Variants in DDX46 observed in about 807,000 individuals in gnomAD.
DDX46 encodes probable ATP-dependent RNA helicase DDX46.
In DDX46, 30 loss-of-function variants were observed where a neutral mutation model predicts 134.9. The ratio of observed to expected loss-of-function variants is 0.22; its 90% CI spans 0.17 to 0.30. The LOEUF (loss-of-function observed/expected upper bound fraction) is 0.30. DDX46 is among the 10% of genes least tolerant of loss of function. The probability of loss-of-function intolerance (pLI) is 1.00; values close to 1 mark genes in which losing one functional copy is unlikely to be tolerated. For synonymous variants in DDX46, 415 were observed against 404.1 expected (o/e 1.03, Z -0.32); for missense variants, 622 against 1,248.7 (o/e 0.50, Z 7.56).
At chr5:134,811,875 T>G in intron 18 of DDX46, 30 bp downstream of exon 18, 1 of 1,596,458 alleles carries the variant, frequency 6.3e-7, no homozygotes, top group Non-Finnish European at 8.5e-7. Flanking sequence ...CATTCTTAAT[T>G]GAAGCAGTTA....
intron 21 of DDX46, among the ~76,000 whole-genome samples, chr5:134,825,638 GTCT>G (rs1755570892): frequency 6.6e-6 from 1 of 152,074 alleles, no homozygotes. Context: ...TCAATCTTTA[GTCT>G]TCTTTGATTC....
In DDX46 at chr5:134,826,911, G is replaced by A. The variant is rs762793827; in HGVS notation, c.2978-36G>A. ...TATGGGTAAACACAGTGTAAGTTTA[G>A]TAATTTGAATAATATGCTTTCCACT... On this transcript the variant is annotated intron_variant, in intron 21 of 22. Transcript: ENST00000452510. The A allele has an allele frequency of 1.9e-6, 3 of 1,600,342 alleles. No homozygotes were observed. In the South Asian group the frequency reaches 3.4e-5, roughly 18 times the overall value.
At chr5:134,769,587 CTGGTGGGCAA>C (rs1561852002) in intron 3 of DDX46, among the ~76,000 whole-genome samples, 1 of 147,418 alleles carries the variant, frequency 6.8e-6, no homozygotes, top group Non-Finnish European at 1.5e-5. Context: ...GTCTCCCAGG[CTGGTGGGCAA>C]TGGTGCAATC....
rs182067741 is a variant in DDX46, at chr5:134,793,054, G to T, written c.1627-1796G>T. Among the ~76,000 whole-genome samples the T allele has an allele frequency of 7.3e-3, 1,115 of 152,090 alleles. 6 individuals are homozygous for T. The highest frequency in any genetic ancestry group is 0.012 in the South Asian group (57 of 4,826). On this transcript the variant is annotated intron_variant, in intron 13 of 22. Transcript: ENST00000452510. ...CGCCTATCGTCCCAGCTACTCAGGA[G>T]GCTGAAGTAGCAGGATTGCTTGAGC...
chr5:134,796,239 C>G, intron 15 of DDX46, 89 bp downstream of exon 15: 2 of 1,417,654 alleles, frequency 1.4e-6, no homozygotes, highest in East Asian at 4.7e-5. Context: ...ACTTTGTTCT[C>G]TATAATTCAG....
chr5:134,801,258 G>C (rs1580805691), intron 15 of DDX46, among the ~76,000 whole-genome samples: 1 of 152,230 alleles, frequency 6.6e-6, no homozygotes, highest in East Asian at 1.9e-4. Context: ...CTTGGCGACA[G>C]AGTGAGACCC....
At chr5:134,809,774 C>T (rs576603713) in intron 16 of DDX46, among the ~76,000 whole-genome samples, 5 of 151,986 alleles carry the variant, frequency 3.3e-5, no homozygotes, top group East Asian at 3.9e-4. Context: ...TTTGGGAGGC[C>T]GAGGCGGGCG....
chr5:134,781,546 C>A (rs908749476), intron 7 of DDX46, among the ~76,000 whole-genome samples: 1 of 152,066 alleles, frequency 6.6e-6, no homozygotes, highest in Middle Eastern at 3.4e-3. Flanking sequence ...TCCATTAACA[C>A]GTAAAGATTT....
intron 20 of DDX46, among the ~76,000 whole-genome samples, chr5:134,818,553 T>C (rs1019649205): frequency 4.6e-5 from 7 of 151,116 alleles, no homozygotes; most frequent in African/African-American, 1.7e-4. Flanking sequence ...AATACAAAAA[T>C]AAGCTGGGCA....
chr5:134,780,035 C>G (rs1381530409), intron 6 of DDX46, among the ~76,000 whole-genome samples: 1 of 150,496 alleles, frequency 6.6e-6, no homozygotes, highest in African/African-American at 2.4e-5. Flanking sequence ...GAGCAATTAG[C>G]CTAGATCACA....
rs534093464 is a variant in DDX46, at chr5:134,795,101, G to A, written c.1791+87G>A. The A allele has an allele frequency of 3.5e-5, 52 of 1,498,212 alleles. No homozygotes were observed. In the South Asian group the frequency reaches 5.9e-4, roughly 17 times the overall value. 92.8% of individuals were successfully genotyped at this position (1,498,212 alleles called of 1,614,324 possible). A position where few individuals can be genotyped will look rare whatever the true frequency, so the allele number is the denominator to read the frequency against. On this transcript the variant is annotated intron_variant, in intron 14 of 22. Transcript: ENST00000452510. ...TCTATGATCACTGTTTGTGAGGTAG[G>A]CAAGGTAATTTCTAAAATCAAGTCG...
At chr5:134,800,306 A>G (rs1194565395) in intron 15 of DDX46, among the ~76,000 whole-genome samples, 8 of 152,084 alleles carry the variant, frequency 5.3e-5, no homozygotes, top group African/African-American at 1.9e-4. Flanking sequence ...TACCTCTTAG[A>G]GTTATAGATA....
chr5:134,797,167 CAAAAAAAA>C (rs61547263), intron 15 of DDX46: 15 of 22,946 alleles, frequency 6.5e-4, no homozygotes, highest in South Asian at 1.6e-3. Flanking sequence ...AACTCCGTCT[CAAAAAAAA>C]AAAAAAAAAA....
chr5:134,811,480 C>T (rs1457504244), intron 17 of DDX46, 122 bp downstream of exon 17: 3 of 1,336,268 alleles, frequency 2.2e-6, no homozygotes, highest in African/African-American at 1.5e-5. Flanking sequence ...TTTTATTTCT[C>T]TCTAGAGGGA....
At chr5:134,773,994 T>A (rs1753856331) in intron 5 of DDX46, 133 bp downstream of exon 5, 2 of 974,450 alleles carry the variant, frequency 2.1e-6, no homozygotes, top group Non-Finnish European at 1.4e-6. Flanking sequence ...TTTTCATCAT[T>A]TTCAGGTTTC....
intron 13 of DDX46, among the ~76,000 whole-genome samples, chr5:134,791,343 G>C (rs1351698825): frequency 6.6e-6 from 1 of 152,128 alleles, no homozygotes; most frequent in Non-Finnish European, 1.5e-5. Flanking sequence ...GGTGGTAGAT[G>C]AGGTCAGGAG....
chr5:134,804,721 G>T (rs1200144294), intron 15 of DDX46: 2 of 231,284 alleles, frequency 8.6e-6, no homozygotes, highest in Non-Finnish European at 1.8e-5. Context: ...TTATTTTAAC[G>T]TGTCATTGCT....
intron 1 of DDX46, among the ~76,000 whole-genome samples, chr5:134,759,762 G>A (rs1489940021): frequency 6.6e-6 from 1 of 152,202 alleles, no homozygotes; most frequent in East Asian, 1.9e-4. Flanking sequence ...TGGACAAAAC[G>A]TAAGGGTAAA....
At position 134,774,785 on chromosome 5, in the gene DDX46, G is replaced by C. The variant is rs148924329; in HGVS notation, c.613+924G>C. 8.6e-3 allele frequency among the ~76,000 whole-genome samples: 1,304 copies of C among 152,136 alleles called. 7 individuals are homozygous for C. Among genetic ancestry groups the C allele is most frequent in the Middle Eastern group, 0.041 (12 of 294 alleles). On this transcript the variant is annotated intron_variant, in intron 5 of 22. Transcript: ENST00000452510. ...AGTCATAGTTCACTGCAGCCTCGAC[G>C]TCCTGGGCTCAAGTGATTTTTCTGC...
Sources: gnomAD v4.1 joint callset for allele counts (sites outside exome capture counted in the v4.1 genomes callset) on GRCh38, gnomAD v4.1.1 for gene constraint, MANE v1.5 for transcripts, NCBI Gene and HGNC (gene_info 2026-07-23, HGNC 2026-07-21) for gene names.